The following RBFOX1 variants were observed in gnomAD, a reference collection of about 807,000 sequenced individuals.
RBFOX1 encodes RNA binding protein fox-1 homolog 1.
Under a neutral mutation model 57.7 loss-of-function variants are expected in RBFOX1, and 8 were observed. The ratio of observed to expected loss-of-function variants is 0.14; its 90% CI spans 0.08 to 0.25. The LOEUF is 0.25. Ranked by LOEUF, RBFOX1 falls within the 10% of genes least tolerant of loss-of-function variation. The probability of loss-of-function intolerance (pLI) is 1.00; values close to 1 mark genes in which losing one functional copy is unlikely to be tolerated. For synonymous variants in RBFOX1, 326 were observed against 222.4 expected (o/e 1.47, Z -4.15); for missense variants, 611 against 548.5 (o/e 1.11, Z -1.14).
chr16:7,120,830 T>TATACACACAC lies in RBFOX1; in HGVS notation c.27+68733_27+68734insTACACACACA, dbSNP rs1226442313. Among the ~76,000 whole-genome samples the TATACACACAC allele has an allele frequency of 4.5e-3, 386 of 86,574 alleles. 4 individuals are homozygous for TATACACACAC. The highest frequency in any genetic ancestry group is 7.3e-3 in the African/African-American group (186 of 25,602). The allele number at this position is 86,574 out of a possible 152,430, so 56.8% of individuals were successfully genotyped here. ...ATGTAATATTTTATATATGTATATA[T>TATACACACAC]ACACACACACACACACACACACACA... On this transcript the variant is annotated intron_variant, in intron 4 of 15. Transcript: ENST00000550418.
chr16:5,370,360 C>T (rs1449616370), intron 1 of RBFOX1, among the ~76,000 whole-genome samples: 2 of 152,042 alleles, frequency 1.3e-5, no homozygotes, highest in African/African-American at 4.8e-5. Flanking sequence ...TGTTTGACGT[C>T]CTCCCTGGTG....
At chr16:6,513,366 T>C (rs2096292826) in intron 2 of RBFOX1, among the ~76,000 whole-genome samples, 1 of 151,572 alleles carries the variant, frequency 6.6e-6, no homozygotes, top group Non-Finnish European at 1.5e-5. Context: ...GCATTCCTTA[T>C]GGCCTCATAT....
chr16:6,688,413 C>T (rs1215141649), intron 3 of RBFOX1, among the ~76,000 whole-genome samples: 1 of 152,152 alleles, frequency 6.6e-6, no homozygotes, highest in Non-Finnish European at 1.5e-5. Context: ...GTGATTTGAG[C>T]AGGGACACAG....
chr16:5,351,991 A>G (rs2065272441), intron 1 of RBFOX1, among the ~76,000 whole-genome samples: 2 of 152,050 alleles, frequency 1.3e-5, no homozygotes, highest in African/African-American at 4.8e-5. Context: ...TTTTTAGTGG[A>G]GACAGGGTTT....
intron 4 of RBFOX1, among the ~76,000 whole-genome samples, chr16:7,336,459 A>C (rs2096789841): frequency 6.6e-6 from 1 of 152,206 alleles, no homozygotes; most frequent in African/African-American, 2.4e-5. Context: ...TGGATGGTTG[A>C]TGGTGTAAAT....
At chr16:7,152,164 C>G (rs2076230040) in intron 4 of RBFOX1, among the ~76,000 whole-genome samples, 1 of 152,152 alleles carries the variant, frequency 6.6e-6, no homozygotes. Context: ...ATCCTCACCC[C>G]TGAGCTGATT....
At chr16:6,989,165 G>C (rs938545234) in intron 3 of RBFOX1, among the ~76,000 whole-genome samples, 2 of 152,108 alleles carry the variant, frequency 1.3e-5, no homozygotes, top group African/African-American at 4.8e-5. Context: ...CATAGTGCTG[G>C]GATTTCAGGC....
intron 5 of RBFOX1, among the ~76,000 whole-genome samples, chr16:7,530,406 TGTAA>T (rs1208246683): frequency 6.6e-6 from 1 of 152,144 alleles, no homozygotes; most frequent in Non-Finnish European, 1.5e-5. Context: ...AGCTGTACAC[TGTAA>T]GTCTCTGTTT....
At chr16:7,546,943 A>AT (rs111497547) in intron 5 of RBFOX1, among the ~76,000 whole-genome samples, 1 of 152,108 alleles carries the variant, frequency 6.6e-6, no homozygotes, top group Non-Finnish European at 1.5e-5. Context: ...AAAAATGCAC[A>AT]TTTTTTAAGG....
At chr16:6,285,518 C>T (rs562710994) in intron 1 of RBFOX1, among the ~76,000 whole-genome samples, 134 of 152,236 alleles carry the variant, frequency 8.8e-4, no homozygotes, top group Non-Finnish European at 1.6e-3. Context: ...TGGGTGTTGC[C>T]GAGTGCTGAT....
intron 2 of RBFOX1, among the ~76,000 whole-genome samples, chr16:5,509,980 T>C (rs2043524277): frequency 6.6e-6 from 1 of 152,194 alleles, no homozygotes; most frequent in Admixed American, 6.5e-5. Flanking sequence ...AGTTCTGGGC[T>C]TGGAGCCAGA....
intron 4 of RBFOX1, among the ~76,000 whole-genome samples, chr16:5,875,612 G>T (rs373384590): frequency 1.3e-5 from 2 of 152,096 alleles, no homozygotes; most frequent in Non-Finnish European, 2.9e-5. Context: ...TGTGCTTGGT[G>T]ACTCATTCTA....
chr16:5,819,826 G>A (rs2055781059), intron 3 of RBFOX1, among the ~76,000 whole-genome samples: 1 of 152,130 alleles, frequency 6.6e-6, no homozygotes, highest in Non-Finnish European at 1.5e-5. Context: ...GCAGGCCCTG[G>A]AGCCCCAGAA....
At chr16:7,483,412 T>C (rs568137677) in intron 4 of RBFOX1, among the ~76,000 whole-genome samples, 8 of 152,230 alleles carry the variant, frequency 5.3e-5, no homozygotes, top group East Asian at 1.9e-4. Flanking sequence ...TTGTGAAAGA[T>C]GGTAATAATG....
At chr16:7,447,398 A>G (rs1034470105) in intron 4 of RBFOX1, among the ~76,000 whole-genome samples, 1 of 143,474 alleles carries the variant, frequency 7.0e-6, no homozygotes, top group African/African-American at 2.6e-5. Context: ...ATGCCACTGC[A>G]CTCCAGGCTG....
chr16:6,695,153 C>T (rs1158651286), intron 3 of RBFOX1, among the ~76,000 whole-genome samples: 11 of 152,102 alleles, frequency 7.2e-5, no homozygotes, highest in Non-Finnish European at 1.5e-5. Context: ...GGCGCAGTAG[C>T]TCATGCCTGA....
At chr16:7,083,188 C>T (rs948280416) in intron 4 of RBFOX1, among the ~76,000 whole-genome samples, 2 of 152,078 alleles carry the variant, frequency 1.3e-5, no homozygotes, top group African/African-American at 2.4e-5. Flanking sequence ...CCCGAGGGGA[C>T]AGTCCACGGA....
chr16:6,989,788 T>C (rs930349039), intron 3 of RBFOX1, among the ~76,000 whole-genome samples: 16 of 152,132 alleles, frequency 1.1e-4, no homozygotes, highest in African/African-American at 3.1e-4. Context: ...TCACCTGAGG[T>C]CAGGATTTCG....
rs1157206555 is a variant in RBFOX1 at position 7,613,222 on chromosome 16, G to C, written c.676+5884G>C. On this transcript the variant is annotated intron_variant, in intron 10 of 15. Transcript: ENST00000550418. ...GGGGGGAATAAAGAGATTCTGAATG[G>C]ATACTCCTGAAAAGAACAATTTGTG... 1.3e-5 allele frequency among the ~76,000 whole-genome samples: 2 copies of C among 152,144 alleles called. 1 individual carries two copies. Among genetic ancestry groups the C allele is most frequent in the Admixed American group, 1.3e-4 (2 of 15,268 alleles).
Sources: gnomAD v4.1 joint callset for allele counts (sites outside exome capture counted in the v4.1 genomes callset) on GRCh38, gnomAD v4.1.1 for gene constraint, MANE v1.5 for transcripts, NCBI Gene and HGNC (gene_info 2026-07-23, HGNC 2026-07-21) for gene names.